The following BFAR variants were observed in gnomAD, a reference collection of about 807,000 sequenced individuals.
The protein encoded by BFAR is bifunctional apoptosis regulator.
In BFAR, 52 loss-of-function variants were observed where a neutral mutation model predicts 54.4. The observed-to-expected ratio is 0.96, with a 90% confidence interval of 0.77 to 1.21. The LOEUF is 1.21. BFAR is among the 50% of genes most tolerant of loss of function. The pLI is 0.00. For synonymous variants in BFAR, 215 were observed against 204.3 expected (o/e 1.05, Z -0.45); for missense variants, 571 against 534.0 (o/e 1.07, Z -0.68).
chr16:14,666,891 A>G (rs914458772), intron 7 of BFAR, among the ~76,000 whole-genome samples: 1 of 152,150 alleles, frequency 6.6e-6, no homozygotes, highest in Non-Finnish European at 1.5e-5. Context: ...GTGAGGCCCT[A>G]CAGCCTAGCA....
intron 1 of BFAR, among the ~76,000 whole-genome samples, chr16:14,636,804 C>T (rs1428206915): frequency 3.3e-5 from 5 of 152,214 alleles, no homozygotes; most frequent in Non-Finnish European, 5.9e-5. Context: ...GAGGTCCCTG[C>T]GGGCTTCCGC....
intron 4 of BFAR, among the ~76,000 whole-genome samples, chr16:14,654,411 A>G (rs1960062458): frequency 6.6e-6 from 1 of 151,994 alleles, no homozygotes; most frequent in Non-Finnish European, 1.5e-5. Flanking sequence ...CAGAGCGTAT[A>G]ACTGAAAGAT....
chr16:14,669,127 T>C lies in BFAR; in HGVS notation c.*1300T>C, dbSNP rs1303574103. On this transcript the variant is annotated 3_prime_UTR_variant, in exon 8 of 8. Coordinates refer to ENST00000261658, the MANE Select transcript of BFAR (RefSeq NM_016561.3). ...TATTATCTTGTGACTCCATGAACCATTCATTAACCCTTTGTATCTTTGAGT... is the reference window on the plus strand; with the variant it reads ...TATTATCTTGTGACTCCATGAACCACTCATTAACCCTTTGTATCTTTGAGT... The C allele has an allele frequency of 7.0e-6, 3 of 427,756 alleles. No individual in the cohort carries two copies. The highest frequency in any genetic ancestry group is 1.7e-5 in the South Asian group (1 of 59,968). 26.5% of individuals were successfully genotyped at this position (427,756 alleles called of 1,614,324 possible).
At chr16:14,635,953 A>G (rs1392848303) in intron 1 of BFAR, among the ~76,000 whole-genome samples, 1 of 152,114 alleles carries the variant, frequency 6.6e-6, no homozygotes, top group Non-Finnish European at 1.5e-5. Flanking sequence ...TGTTAATGGG[A>G]GAGCCGGCTT....
Position 14,644,569 on chromosome 16 carries a change from G to GA in BFAR, c.228dup (p.Trp77MetfsTer16), listed in dbSNP as rs989078533. 2 of 1,613,284 alleles carry GA rather than the reference G, an allele frequency of 1.2e-6. No homozygotes were observed. The highest frequency in any genetic ancestry group is 1.7e-6 in the Non-Finnish European group (2 of 1,179,906). On this transcript the variant is annotated frameshift_variant, in exon 2 of 8. Transcript: ENST00000261658. LOFTEE classifies it high-confidence loss of function. ...GAAAACAGAATGTCCAGAATGCAGA[G>GA]AAAAATGGGAAGGTTTCCCCAAAGT...
chr16:14,638,512 G>T (rs958298923), intron 1 of BFAR, among the ~76,000 whole-genome samples: 1 of 152,216 alleles, frequency 6.6e-6, no homozygotes, highest in Non-Finnish European at 1.5e-5. Flanking sequence ...GAGTGAAGGG[G>T]TGCAACCATG....
In BFAR at chr16:14,644,269, T is replaced by C. The variant is rs948191275; in HGVS notation, c.-73-5T>C. ...CTTATTTTTGTCTCTGTTTTTTTTT[T>C]CTAGATTAATGATGTTTTGCAGCAG... On this transcript the variant is annotated splice_polypyrimidine_tract_variant and splice_region_variant and intron_variant, in intron 1 of 7. Transcript: ENST00000261658. The C allele has an allele frequency of 6.9e-5, 97 of 1,411,738 alleles. No homozygotes were observed. The highest frequency in any genetic ancestry group is 1.8e-4 in the Middle Eastern group (1 of 5,478). 87.5% of individuals were successfully genotyped at this position (1,411,738 alleles called of 1,614,324 possible). A position where few individuals can be genotyped will look rare whatever the true frequency, so the allele number is the denominator to read the frequency against.
At position 14,640,091 on chromosome 16, in the gene BFAR, A is replaced by G. The variant is rs1185974197; in HGVS notation, c.-73-4183A>G. Among the ~76,000 whole-genome samples, 3 of 151,530 alleles carry G rather than the reference A, an allele frequency of 2.0e-5. No individual in the cohort carries two copies. The East Asian group carries it at 5.8e-4, about 29-fold the overall frequency. On this transcript the variant is annotated intron_variant, in intron 1 of 7. Coordinates refer to ENST00000261658, the MANE Select transcript of BFAR (RefSeq NM_016561.3). ...ACCTGAGCCTGGGGAGGTCGAGGCTACAGTGAGCCATGATCTCACCACTGC... is the reference window on the plus strand; with the variant it reads ...ACCTGAGCCTGGGGAGGTCGAGGCTGCAGTGAGCCATGATCTCACCACTGC...
intron 1 of BFAR, chr16:14,633,559 G>T (rs1398666176): frequency 6.6e-6 from 1 of 152,284 alleles, no homozygotes; most frequent in African/African-American, 2.4e-5. Context: ...AAGGGAGAAA[G>T]TGAAATCCCA....
At chr16:14,646,228 T>C (rs1169416648) in intron 2 of BFAR, among the ~76,000 whole-genome samples, 1 of 152,128 alleles carries the variant, frequency 6.6e-6, no homozygotes, top group Non-Finnish European at 1.5e-5. Context: ...TAATTTTGTA[T>C]TTTTAGTAGA....
chr16:14,666,874 C>T (rs1960455973), intron 7 of BFAR, among the ~76,000 whole-genome samples: 1 of 152,130 alleles, frequency 6.6e-6, no homozygotes, highest in Non-Finnish European at 1.5e-5. Flanking sequence ...AGAAGACAGT[C>T]TATAGTGTGA....
intron 7 of BFAR, chr16:14,665,324 T>G: frequency 3.3e-5 from 11 of 336,004 alleles, no homozygotes; most frequent in Non-Finnish European, 5.5e-5. Flanking sequence ...ACCATTTAAT[T>G]TCAGGGGGAG....
chr16:14,654,624 C>G (rs990065487), intron 4 of BFAR, among the ~76,000 whole-genome samples: 2 of 151,248 alleles, frequency 1.3e-5, no homozygotes, highest in Admixed American at 6.6e-5. Flanking sequence ...TCTCATGCCT[C>G]AGCCTCCCAA....
intron 7 of BFAR, 95 bp from the exon 8 acceptor site, chr16:14,667,540 G>T: frequency 8.4e-7 from 1 of 1,190,078 alleles, no homozygotes; most frequent in Non-Finnish European, 1.2e-6. Context: ...GGGCAGCCAT[G>T]CTCTTCCCAG....
At chr16:14,637,124 C>A (rs957300162) in intron 1 of BFAR, among the ~76,000 whole-genome samples, 5 of 150,980 alleles carry the variant, frequency 3.3e-5, no homozygotes, top group Non-Finnish European at 7.4e-5. Flanking sequence ...CCATTCCTAC[C>A]CCTATTTCTA....
chr16:14,646,202 T>C (rs1596973869), intron 2 of BFAR, among the ~76,000 whole-genome samples: 1 of 152,168 alleles, frequency 6.6e-6, no homozygotes, highest in Middle Eastern at 3.4e-3. Flanking sequence ...TACAGGCAAC[T>C]GCCACCACGC....
Position 14,644,288 on chromosome 16 carries a change from G to T in BFAR, c.-59G>T. 14 of 1,448,746 alleles carry T rather than the reference G, an allele frequency of 9.7e-6. No individual in the cohort carries two copies. Among genetic ancestry groups the T allele is most frequent in the South Asian group, 3.7e-5 (3 of 80,210 alleles). The allele number at this position is 1,448,746 out of a possible 1,614,324, so 89.7% of individuals were successfully genotyped here. On this transcript the variant is annotated 5_prime_UTR_variant, in exon 2 of 8. Transcript: ENST00000261658. ...TTTTTTTCTAGATTAATGATGTTTT[G>T]CAGCAGTTTTCTACGTCTGAAATTT... is the stretch of plus-strand genomic sequence containing the variant.
intron 4 of BFAR, 110 bp downstream of exon 4, chr16:14,650,083 AG>A: frequency 1.8e-6 from 2 of 1,132,156 alleles, no homozygotes; most frequent in Non-Finnish European, 2.4e-6. Flanking sequence ...GCACTTTGGG[AG>A]GCCGAGGCGG....
chr16:14,655,351 C>T (rs1234052727), intron 5 of BFAR, 141 bp downstream of exon 5: 4 of 785,108 alleles, frequency 5.1e-6, no homozygotes, highest in African/African-American at 3.7e-5. Flanking sequence ...AGACAGAGTC[C>T]TTCTCTGTCG....
Sources: gnomAD v4.1 joint callset for allele counts (sites outside exome capture counted in the v4.1 genomes callset) on GRCh38, gnomAD v4.1.1 for gene constraint, MANE v1.5 for transcripts, NCBI Gene and HGNC (gene_info 2026-07-23, HGNC 2026-07-21) for gene names.